PABPC4: variants seen among roughly 807,000 people sequenced by gnomAD.
PABPC4 encodes the protein polyadenylate-binding protein 4.
PABPC4 carries 15 observed loss-of-function variants against 74.5 expected under a neutral mutation model. The ratio of observed to expected loss-of-function variants is 0.20; its 90% CI spans 0.13 to 0.31. The LOEUF is 0.31. Among genes scored for constraint, PABPC4 ranks in the 10% least tolerant of loss-of-function variants. The pLI, the probability that PABPC4 is intolerant of heterozygous loss-of-function variation, is 1.00. For synonymous variants in PABPC4, 345 were observed against 303.0 expected (o/e 1.14, Z -1.44); for missense variants, 610 against 853.5 (o/e 0.71, Z 3.55).
chr1:39,575,989 ACTT>A lies in PABPC4; in HGVS notation c.-41_-39del, dbSNP rs1358345097. ...CACCACCCCGAGCCCCGCCAGGAGG[ACTT>A]CTTATCGGGCCCGCCGCAGGACAAA... is the stretch of plus-strand genomic sequence containing the variant. On this transcript the variant is annotated 5_prime_UTR_variant, in exon 1 of 16. Transcript: ENST00000372858. 3 of 1,354,606 alleles carry A rather than the reference ACTT, an allele frequency of 2.2e-6. No individual in the cohort carries two copies. The highest frequency in any genetic ancestry group is 2.9e-5 in the East Asian group (1 of 34,412). The allele number at this position is 1,354,606 out of a possible 1,614,324, so 83.9% of individuals were successfully genotyped here.
intron 1 of PABPC4, among the ~76,000 whole-genome samples, chr1:39,573,780 T>C (rs928092865): frequency 2.0e-5 from 3 of 152,162 alleles, no homozygotes; most frequent in Admixed American, 1.3e-4. Flanking sequence ...GATCGCGCCA[T>C]TGCACTCCAG....
intron 1 of PABPC4, among the ~76,000 whole-genome samples, chr1:39,573,857 A>G (rs904624793): frequency 4.6e-5 from 7 of 152,148 alleles, no homozygotes; most frequent in African/African-American, 1.7e-4. Context: ...AAGCTAAAAA[A>G]TAACACCACC....
intron 2 of PABPC4, 125 bp downstream of exon 2, chr1:39,572,268 A>G: frequency 1.4e-6 from 1 of 737,978 alleles, no homozygotes. Flanking sequence ...TTAGGATTCC[A>G]TGTCCAGCAT....
rs1197914050 is a variant in PABPC4 at position 39,569,628 on chromosome 1, A to G, written c.705T>C (p.Phe235=). 1.2e-6 allele frequency: 2 copies of G among 1,614,066 alleles called. No homozygotes were observed. The highest frequency in any genetic ancestry group is 2.7e-5 in the African/African-American group (2 of 74,938). Reference sequence around the variant, plus strand: ...CATCCTCGTGTTTTTCGTAACTCACAAAGCCAAAGCCTTTGGATTTCCCAT... The same window carrying G: ...CATCCTCGTGTTTTTCGTAACTCACGAAGCCAAAGCCTTTGGATTTCCCAT... ...DPNGKSKGFG[F]VSYEKHEDAN... is the part of the protein sequence containing the mutation. The change falls in exon 5 of 16, where the codon TTT becomes TTC. Residue 235 remains phenylalanine (F), a synonymous_variant. Transcript: ENST00000372858.
At position 39,562,205 on chromosome 1, in the gene PABPC4, T is replaced by C; in HGVS notation, c.1763-2A>G. The C allele has an allele frequency of 6.2e-7, 1 of 1,614,158 alleles. No individual in the cohort carries two copies. Among genetic ancestry groups the C allele is most frequent in the Non-Finnish European group, 8.5e-7 (1 of 1,179,990 alleles). ...GGATGAGTGGGAACAAGCGTTCTCC[T>C]ATGGGGAGGATAGTTAATAAAAAAA... On this transcript the variant is annotated splice_acceptor_variant, in intron 13 of 15. Transcript: ENST00000372858. LOFTEE classifies it high-confidence loss of function.
intron 7 of PABPC4, among the ~76,000 whole-genome samples, chr1:39,566,234 C>T (rs532472223): frequency 6.6e-6 from 1 of 152,194 alleles, no homozygotes; most frequent in Non-Finnish European, 1.5e-5. Flanking sequence ...ATCTCATATG[C>T]TTCAAGACCT....
intron 1 of PABPC4, 78 bp downstream of exon 1, chr1:39,575,681 G>T (rs1646014559): frequency 1.6e-6 from 2 of 1,235,402 alleles, no homozygotes; most frequent in South Asian, 1.6e-5. Flanking sequence ...CGCCCTCCTC[G>T]GCAGGAGGGC....
chr1:39,564,173 A>G (rs1645801692), intron 10 of PABPC4: 1 of 618,622 alleles, frequency 1.6e-6, no homozygotes, highest in Non-Finnish European at 2.8e-6. Flanking sequence ...GTGGTCATCC[A>G]GCTAGCAAAC....
chr1:39,561,190 G>A (rs1030603199), intron 15 of PABPC4, 68 bp from the exon 16 acceptor site: 1 of 462,264 alleles, frequency 2.2e-6, no homozygotes, highest in African/African-American at 2.0e-5. Flanking sequence ...ACATATAGTG[G>A]ATAAAGGAAG....
Position 39,576,084 on chromosome 1 carries a change from T to A in PABPC4, c.-133A>T, listed in dbSNP as rs1184138627. Reference sequence around the variant, plus strand: ...TGGCACCGGCGCGGCGAGGACGAGCTGGAGTCGGCGGGCTTGGAGACGGGA... The same window carrying A: ...TGGCACCGGCGCGGCGAGGACGAGCAGGAGTCGGCGGGCTTGGAGACGGGA... On this transcript the variant is annotated 5_prime_UTR_variant, in exon 1 of 16. Transcript: ENST00000372858. The A allele has an allele frequency of 1.7e-6, 1 of 604,466 alleles. No homozygotes were observed. The highest frequency in any genetic ancestry group is 2.7e-6 in the Non-Finnish European group (1 of 368,196). 37.4% of individuals were successfully genotyped at this position (604,466 alleles called of 1,614,324 possible). A position where few individuals can be genotyped will look rare whatever the true frequency, so the allele number is the denominator to read the frequency against.
rs1010558149 is a variant in PABPC4 at position 39,561,942 on chromosome 1, C to G, written c.1893+131G>C. Reference sequence around the variant, plus strand: ...CCAAATACCCACTGCAGCCTCCAGTCACAGTCAAGGCATGACGAGAGGGGT... The same window carrying G: ...CCAAATACCCACTGCAGCCTCCAGTGACAGTCAAGGCATGACGAGAGGGGT... On this transcript the variant is annotated intron_variant, in intron 14 of 15. Coordinates refer to ENST00000372858, the MANE Select transcript of PABPC4 (RefSeq NM_001135653.2). 1.0e-5 allele frequency: 12 copies of G among 1,195,206 alleles called. No individual in the cohort carries two copies. The Admixed American group carries it at 1.3e-4, about 13-fold the overall frequency. 74.0% of individuals were successfully genotyped at this position (1,195,206 alleles called of 1,614,324 possible).
At chr1:39,562,042 C>A (rs1218232986) in intron 14 of PABPC4, 31 bp downstream of exon 14, 3 of 1,604,878 alleles carry the variant, frequency 1.9e-6, no homozygotes, top group South Asian at 1.1e-5. Flanking sequence ...AAGCTGAGAA[C>A]TGAAGCTGCA....
Position 39,563,645 on chromosome 1 carries a change from C to T in PABPC4, c.1637G>A (p.Arg546His), listed in dbSNP as rs771540227. The T allele has an allele frequency of 1.9e-6, 3 of 1,614,130 alleles. No individual in the cohort carries two copies. The highest frequency in any genetic ancestry group is 1.1e-5 in the South Asian group (1 of 91,058). Residue 546 changes from arginine (R) to histidine (H), a missense_variant, in exon 12 of 16, where the codon CGC becomes CAC. By Grantham distance (29) the Arg-to-His change is conservative. This residue lies in a region of PABPC4 where 277 missense variants were observed against 301.8 expected (regional missense o/e 0.92). Coordinates refer to ENST00000372858, the MANE Select transcript of PABPC4 (RefSeq NM_001135653.2). ...AGGCTGTATGGCAGGATGAGGGCTG[C>T]GGACACTGGAGGCGTATTTGTAGGG... ...VAPYKYASSVRSPHPAIQPLQ... is the reference protein window; with the variant it reads ...VAPYKYASSVHSPHPAIQPLQ...
intron 15 of PABPC4, chr1:39,561,349 G>A (rs1442786904): frequency 2.9e-6 from 1 of 348,558 alleles, no homozygotes; most frequent in African/African-American, 2.1e-5. Flanking sequence ...TGACAAGAGG[G>A]TCATGACTAT....
intron 5 of PABPC4, among the ~76,000 whole-genome samples, chr1:39,569,272 T>C (rs1326406394): frequency 4.6e-5 from 7 of 152,362 alleles, no homozygotes; most frequent in Middle Eastern, 3.4e-3. Context: ...TCTGGCACAA[T>C]GCTTTGCCCA....
At chr1:39,562,991 T>C (rs1043776610) in intron 12 of PABPC4, 1 of 153,130 alleles carries the variant, frequency 6.5e-6, no homozygotes, top group African/African-American at 2.4e-5. Flanking sequence ...CATCAAGTTC[T>C]AGGAAATCCC....
rs902601606 is a variant in PABPC4, at chr1:39,576,031, A to G, written c.-80T>C. The G allele has an allele frequency of 2.1e-5, 22 of 1,025,998 alleles. No homozygotes were observed. The African/African-American group carries it at 2.2e-4, about 10-fold the overall frequency. 63.6% of individuals were successfully genotyped at this position (1,025,998 alleles called of 1,614,324 possible). ...CCGCAGGACAAAGGGGCGCCTTCGG[A>G]GCCCGGGCCCGCGCCGCGGCTCACA... On this transcript the variant is annotated 5_prime_UTR_variant, in exon 1 of 16. Coordinates refer to ENST00000372858, the MANE Select transcript of PABPC4 (RefSeq NM_001135653.2).
At chr1:39,568,747 T>G in intron 6 of PABPC4, 55 bp downstream of exon 6, 1 of 1,557,168 alleles carries the variant, frequency 6.4e-7, no homozygotes, top group Non-Finnish European at 8.8e-7. Flanking sequence ...ATAGGGGTGT[T>G]CTGCAAATAT....
At position 39,576,027 on chromosome 1, in the gene PABPC4, T is replaced by TCGGAGC. The variant is rs76113306; in HGVS notation, c.-82_-77dup. On this transcript the variant is annotated 5_prime_UTR_variant, in exon 1 of 16. Coordinates refer to ENST00000372858, the MANE Select transcript of PABPC4 (RefSeq NM_001135653.2). The stretch of plus-strand genomic sequence containing the variant: ...CCCGCCGCAGGACAAAGGGGCGCCT[T>TCGGAGC]CGGAGCCCGGGCCCGCGCCGCGGCT... 0.15 allele frequency: 155,573 copies of TCGGAGC among 1,019,144 alleles called. 14,782 individuals carry two copies. Among genetic ancestry groups the TCGGAGC allele is most frequent in the Non-Finnish European group, 0.17 (126,970 of 747,268 alleles). 63.1% of individuals were successfully genotyped at this position (1,019,144 alleles called of 1,614,324 possible).
Sources: gnomAD v4.1 joint callset for allele counts (sites outside exome capture counted in the v4.1 genomes callset) on GRCh38, gnomAD v4.1.1 for gene constraint, gnomAD v4.1.1 regional missense constraint, MANE v1.5 for transcripts, NCBI Gene and HGNC (gene_info 2026-07-23, HGNC 2026-07-21) for gene names.